LPCAT1: variants seen among roughly 807,000 people sequenced by gnomAD.
LPCAT1 encodes the protein 1-acylglycerol-3-phosphate O-acyltransferase.
In LPCAT1, 23 loss-of-function variants were observed where a neutral mutation model predicts 60.9. That is an observed-to-expected ratio of 0.38 (90% CI 0.27 to 0.53). The LOEUF (loss-of-function observed/expected upper bound fraction) is 0.53, where lower values mean the gene tolerates loss of function less well. Among genes scored for constraint, LPCAT1 ranks in the 20% least tolerant of loss-of-function variants. LPCAT1 has a pLI of 0.82. For missense variants in LPCAT1, 622 were observed against 723.6 expected (o/e 0.86, Z 1.61); for synonymous variants, 340 against 301.1 (o/e 1.13, Z -1.34).
chr5:1,483,453 A>C lies in LPCAT1; in HGVS notation c.701T>G (p.Val234Gly). The change falls in exon 6 of 14, where the codon GTG (valine) becomes GGG (glycine). Residue 234 changes from valine (V) to glycine (G), a missense_variant. By Grantham distance (109) the Val-to-Gly change is moderately radical (BLOSUM62 -3). This residue lies in a region of LPCAT1 where 209 missense variants were observed against 325.5 expected (regional missense o/e 0.64). Transcript: ENST00000283415. The surrounding 1 kb of genome is among the most constrained non-coding windows in gnomAD (Gnocchi z 9.2). ...CAGTTTATTTGGATATCGTAAAACC[A>C]CAGGCTGGACGGGCGCTCCAGGGAT... is the stretch of plus-strand genomic sequence containing the variant. ...AFIPGAPVQP[V>G]VLRYPNKLDT... 1 of 1,613,760 alleles carries C rather than the reference A, an allele frequency of 6.2e-7. No individual in the cohort carries two copies. Among genetic ancestry groups the C allele is most frequent in the Non-Finnish European group, 8.5e-7 (1 of 1,180,026 alleles).
At position 1,511,241 on chromosome 5, in the gene LPCAT1, T is replaced by C. The variant is rs569590962; in HGVS notation, c.136-9638A>G. On this transcript the variant is annotated intron_variant, in intron 1 of 13. Coordinates refer to ENST00000283415, the MANE Select transcript of LPCAT1 (RefSeq NM_024830.5). ...TCTTGCACCTGGGCTCACGGTTGGC[T>C]CTGCGGGGTTGACCTCCCCGGCGCG... is the stretch of plus-strand genomic sequence containing the variant. 3.9e-5 allele frequency among the ~76,000 whole-genome samples: 6 copies of C among 152,234 alleles called. No homozygotes were observed. In the South Asian group the frequency reaches 6.2e-4, roughly 16 times the overall value.
chr5:1,509,052 G>A (rs185672820), intron 1 of LPCAT1, among the ~76,000 whole-genome samples: 63 of 152,396 alleles, frequency 4.1e-4, no homozygotes, highest in Middle Eastern at 6.8e-3. Context: ...CGGCCCCTCC[G>A]AGCCCACTTG....
chr5:1,491,344 C>T (rs891389361), intron 3 of LPCAT1, among the ~76,000 whole-genome samples: 5 of 152,188 alleles, frequency 3.3e-5, no homozygotes, highest in East Asian at 1.9e-4. Flanking sequence ...CCGGGGCACA[C>T]GGGGTCTGGA....
At chr5:1,470,396 G>A (rs904056197) in intron 12 of LPCAT1, among the ~76,000 whole-genome samples, 2 of 152,244 alleles carry the variant, frequency 1.3e-5, no homozygotes, top group Non-Finnish European at 2.9e-5. Context: ...GACTCCCCCA[G>A]TGGTGATGAC....
intron 6 of LPCAT1, among the ~76,000 whole-genome samples, chr5:1,482,804 G>A (rs1237953570): frequency 1.3e-5 from 2 of 152,040 alleles, no homozygotes; most frequent in Admixed American, 6.5e-5. Flanking sequence ...AAGGCCCCAT[G>A]GGGAACTGCT....
rs894363287 is a variant in LPCAT1, at chr5:1,522,279, T to C, written c.135+1431A>G. On this transcript the variant is annotated intron_variant, in intron 1 of 13. Coordinates refer to ENST00000283415, the MANE Select transcript of LPCAT1 (RefSeq NM_024830.5). This position sits in a 1 kb window ranked among gnomAD's most constrained non-coding sequence, Gnocchi z 6.8. ...CCTGGTGGCTGGGTGGGGGTGAGGA[T>C]TGAAGAGGAGGAATGGTTGAGGGGC... Among the ~76,000 whole-genome samples the C allele has an allele frequency of 3.3e-5, 5 of 151,958 alleles. No homozygotes were observed. The highest frequency in any genetic ancestry group is 4.4e-5 in the Non-Finnish European group (3 of 67,930).
rs749959100 is a variant in LPCAT1 at position 1,474,576 on chromosome 5, G to C, written c.1009C>G (p.Leu337Val). ...GGTACTCACCCGAGGCCCCGCACGA[G>C]CCTGGCAAATTCTAAAAGGCAAGTG... ...ADTCLLEFARLVRGLGLKPEK... is the reference protein window; with the variant it reads ...ADTCLLEFARVVRGLGLKPEK... The change falls in exon 10 of 14, where the codon CTC becomes GTC. Residue 337 changes from leucine (L) to valine (V), a missense_variant. Transcript: ENST00000283415. The C allele has an allele frequency of 2.5e-6, 4 of 1,613,988 alleles. No individual in the cohort carries two copies. The East Asian group carries it at 8.9e-5, about 36-fold the overall frequency.
chr5:1,508,156 G>A (rs1433166991), intron 1 of LPCAT1, among the ~76,000 whole-genome samples: 5 of 152,190 alleles, frequency 3.3e-5, no homozygotes, highest in African/African-American at 1.2e-4. Flanking sequence ...CCTCGTCTGT[G>A]GTCCTTTGTG....
At chr5:1,501,677 G>A (rs1455986322) in intron 1 of LPCAT1, 74 bp from the exon 2 acceptor site, 2 of 1,470,966 alleles carry the variant, frequency 1.4e-6, no homozygotes, top group Non-Finnish European at 1.9e-6. Context: ...GCAGAGGCTA[G>A]CCCAGGGGGA....
chr5:1,512,310 G>A (rs1008334971), intron 1 of LPCAT1, among the ~76,000 whole-genome samples: 13 of 152,156 alleles, frequency 8.5e-5, no homozygotes, highest in South Asian at 6.2e-4. Flanking sequence ...ACCCGCCTTC[G>A]GAGTCACTGT....
chr5:1,482,165 C>T (rs1410609783), intron 6 of LPCAT1, among the ~76,000 whole-genome samples: 4 of 151,858 alleles, frequency 2.6e-5, no homozygotes, highest in African/African-American at 4.8e-5. Flanking sequence ...CCACCTGGGC[C>T]GTCTTTATGC....
chr5:1,520,860 C>CAAAAA (rs59074953), intron 1 of LPCAT1, among the ~76,000 whole-genome samples: 15 of 82,000 alleles, frequency 1.8e-4, no homozygotes, highest in Non-Finnish European at 2.8e-4. Context: ...GAGACTGTCT[C>CAAAAA]AAAAAAAAAA....
chr5:1,521,267 T>A lies in LPCAT1; in HGVS notation c.135+2443A>T. On this transcript the variant is annotated intron_variant, in intron 1 of 13. Coordinates refer to ENST00000283415, the MANE Select transcript of LPCAT1 (RefSeq NM_024830.5). The surrounding 1 kb of genome is among the most constrained non-coding windows in gnomAD (Gnocchi z 4.3). ...GATGGGCTGGCTGGAGGAGGAGGTG[T>A]CCCCGCATGGCGCTAATCCGAAGAC... is the stretch of plus-strand genomic sequence containing the variant. The A allele has an allele frequency of 1.1e-6, 1 of 912,764 alleles. No individual in the cohort carries two copies. The highest frequency in any genetic ancestry group is 1.3e-6 in the Non-Finnish European group (1 of 763,942). 56.5% of individuals were successfully genotyped at this position (912,764 alleles called of 1,614,324 possible).
At chr5:1,519,881 G>A (rs1397293014) in intron 1 of LPCAT1, among the ~76,000 whole-genome samples, 1 of 152,208 alleles carries the variant, frequency 6.6e-6, no homozygotes, top group Admixed American at 6.5e-5. Flanking sequence ...CTCCCCAAGG[G>A]ACAGGCACTC....
At chr5:1,479,304 C>T (rs1456780318) in intron 8 of LPCAT1, among the ~76,000 whole-genome samples, 7 of 152,158 alleles carry the variant, frequency 4.6e-5, no homozygotes, top group Non-Finnish European at 8.8e-5. Flanking sequence ...ATCACTTGGG[C>T]CCAGGAGGTC....
chr5:1,503,145 G>A lies in LPCAT1; in HGVS notation c.136-1542C>T, dbSNP rs147427365. Among the ~76,000 whole-genome samples, 18 of 152,260 alleles carry A rather than the reference G, an allele frequency of 1.2e-4. No homozygotes were observed. The East Asian group carries it at 3.3e-3, about 28-fold the overall frequency. ...CAGATCTAGATGATGTTTGGTTTGC[G>A]AGAGATGACGACCTCTAATTTGCCT... On this transcript the variant is annotated intron_variant, in intron 1 of 13. Coordinates refer to ENST00000283415, the MANE Select transcript of LPCAT1 (RefSeq NM_024830.5).
intron 1 of LPCAT1, among the ~76,000 whole-genome samples, chr5:1,503,666 T>G (rs1039526732): frequency 2.0e-5 from 3 of 152,242 alleles, no homozygotes; most frequent in Admixed American, 6.5e-5. Context: ...GAAACCAGCG[T>G]GCACCCATGC....
chr5:1,497,293 G>A (rs535933118), intron 2 of LPCAT1, among the ~76,000 whole-genome samples: 1 of 152,378 alleles, frequency 6.6e-6, no homozygotes, highest in African/African-American at 2.4e-5. Context: ...AAGGAGGAAG[G>A]CCGCTGAGGC....
chr5:1,492,956 A>G (rs1735646614), intron 3 of LPCAT1, among the ~76,000 whole-genome samples: 1 of 152,232 alleles, frequency 6.6e-6, no homozygotes, highest in Non-Finnish European at 1.5e-5. Context: ...GGCCTTTGCC[A>G]CAGTGGGGGG....
Sources: gnomAD v4.1 joint callset for allele counts (sites outside exome capture counted in the v4.1 genomes callset) on GRCh38, gnomAD v4.1.1 for gene constraint, gnomAD v4.1.1 regional missense constraint, Gnocchi (gnomAD v3.1) non-coding constraint, MANE v1.5 for transcripts, NCBI Gene and HGNC (gene_info 2026-07-23, HGNC 2026-07-21) for gene names.